The following BBS9 variants were observed in gnomAD, a reference collection of about 807,000 sequenced individuals.
BBS9 encodes Bardet-Biedl syndrome 9, also known as protein PTHB1.
BBS9 carries 89 observed loss-of-function variants against 117.7 expected under a neutral mutation model. The ratio of observed to expected loss-of-function variants is 0.76; its 90% CI spans 0.64 to 0.90. BBS9 has a LOEUF of 0.90. BBS9 is among the 40% of genes least tolerant of loss of function. The pLI is 0.00. For synonymous variants in BBS9, 379 were observed against 370.9 expected (o/e 1.02, Z -0.25); for missense variants, 982 against 1,042.2 (o/e 0.94, Z 0.80).
chr7:33,522,583 T>C (rs1254812103), intron 20 of BBS9, among the ~76,000 whole-genome samples: 1 of 152,212 alleles, frequency 6.6e-6, no homozygotes. Context: ...TGCCCACTTT[T>C]TGATGGGGTT....
At chr7:33,194,347 A>G (rs994881803) in intron 5 of BBS9, among the ~76,000 whole-genome samples, 1 of 152,148 alleles carries the variant, frequency 6.6e-6, no homozygotes, top group African/African-American at 2.4e-5. Context: ...CACAAAATGC[A>G]CCAAGTCCAG....
intron 9 of BBS9, among the ~76,000 whole-genome samples, chr7:33,280,447 C>T (rs1004275010): frequency 6.6e-6 from 1 of 152,122 alleles, no homozygotes; most frequent in Non-Finnish European, 1.5e-5. Context: ...GAATGTTTCC[C>T]CCATATCTTT....
chr7:33,416,287 C>T (rs1348376668), intron 19 of BBS9, among the ~76,000 whole-genome samples: 1 of 151,324 alleles, frequency 6.6e-6, no homozygotes. Context: ...ATGGGTCCTG[C>T]CTTCTTCTGC....
At chr7:33,396,349 C>T (rs534420360) in intron 19 of BBS9, among the ~76,000 whole-genome samples, 7 of 151,384 alleles carry the variant, frequency 4.6e-5, no homozygotes, top group South Asian at 4.2e-4. Flanking sequence ...TTTTCAAAAC[C>T]GGAATGATAT....
At chr7:33,171,305 C>T in intron 4 of BBS9, among the ~76,000 whole-genome samples, 1 of 151,874 alleles carries the variant, frequency 6.6e-6, no homozygotes, top group Non-Finnish European at 1.5e-5. Flanking sequence ...CGCCGCATAT[C>T]TACAACTATC....
intron 1 of BBS9, among the ~76,000 whole-genome samples, chr7:33,140,522 G>A (rs1420229770): frequency 6.6e-6 from 1 of 152,154 alleles, no homozygotes; most frequent in African/African-American, 2.4e-5. Flanking sequence ...GGCATTTCAA[G>A]TGTGAATTTG....
chr7:33,538,794 G>C (rs1301822966), intron 21 of BBS9, among the ~76,000 whole-genome samples: 1 of 150,068 alleles, frequency 6.7e-6, no homozygotes, highest in Non-Finnish European at 1.5e-5. Flanking sequence ...AAGGGAGTGA[G>C]TTCCAAAATG....
At chr7:33,591,542 C>T (rs1184810633) in intron 21 of BBS9, among the ~76,000 whole-genome samples, 3 of 152,004 alleles carry the variant, frequency 2.0e-5, no homozygotes, top group African/African-American at 7.2e-5. Flanking sequence ...GTAAAGTATT[C>T]ACTGGGAGAA....
At chr7:33,570,480 T>C (rs1417888702) in intron 21 of BBS9, among the ~76,000 whole-genome samples, 1 of 152,138 alleles carries the variant, frequency 6.6e-6, no homozygotes, top group East Asian at 1.9e-4. Context: ...TTCCATTTGA[T>C]AAATGAAGAA....
intron 19 of BBS9, among the ~76,000 whole-genome samples, chr7:33,411,362 G>A (rs894225935): frequency 6.6e-6 from 1 of 151,988 alleles, no homozygotes; most frequent in African/African-American, 2.4e-5. Context: ...TCTTGACAAG[G>A]TTTCAACACT....
At chr7:33,577,246 T>C (rs1373770102) in intron 21 of BBS9, among the ~76,000 whole-genome samples, 4 of 152,132 alleles carry the variant, frequency 2.6e-5, no homozygotes, top group Admixed American at 6.5e-5. Context: ...GCAAAGGATA[T>C]GAACAGACAC....
intron 9 of BBS9, among the ~76,000 whole-genome samples, chr7:33,286,384 C>T (rs1300870424): frequency 6.6e-6 from 1 of 152,110 alleles, no homozygotes; most frequent in Non-Finnish European, 1.5e-5. Context: ...AAGGGTTTGC[C>T]TTTCACTAAG....
chr7:33,554,671 C>T (rs1585236193), intron 21 of BBS9, among the ~76,000 whole-genome samples: 4 of 152,078 alleles, frequency 2.6e-5, no homozygotes, highest in African/African-American at 7.2e-5. Context: ...CTAGTTGGCA[C>T]CCAGTTGTAG....
chr7:33,154,329 A>G (rs747437792), intron 3 of BBS9, among the ~76,000 whole-genome samples: 1 of 152,202 alleles, frequency 6.6e-6, no homozygotes, highest in Non-Finnish European at 1.5e-5. Flanking sequence ...ATGATCATAC[A>G]TATAGTAAGG....
intron 18 of BBS9, among the ~76,000 whole-genome samples, chr7:33,384,093 A>C (rs552108923): frequency 1.3e-5 from 2 of 152,290 alleles, no homozygotes; most frequent in East Asian, 3.9e-4. Flanking sequence ...ATTCTCCCAC[A>C]TGGAGACTTA....
chr7:33,520,991 C>G (rs1422796992), intron 20 of BBS9, among the ~76,000 whole-genome samples: 1 of 151,546 alleles, frequency 6.6e-6, no homozygotes, highest in African/African-American at 2.4e-5. Flanking sequence ...ATTTACCAGT[C>G]TTTATTTTTT....
intron 19 of BBS9, among the ~76,000 whole-genome samples, chr7:33,449,447 C>T (rs1471010114): frequency 1.3e-5 from 2 of 152,236 alleles, no homozygotes; most frequent in East Asian, 1.9e-4. Context: ...TAAGTTAACC[C>T]CTAGAGTAAC....
intron 5 of BBS9, among the ~76,000 whole-genome samples, chr7:33,246,878 AT>A (rs1169344786): frequency 1.3e-5 from 2 of 152,194 alleles, no homozygotes; most frequent in East Asian, 3.9e-4. Context: ...CACACTCACA[AT>A]ATTCTTCTTT....
chr7:33,468,009 C>A (rs4720120), intron 19 of BBS9, among the ~76,000 whole-genome samples: 116,504 of 152,120 alleles, frequency 0.77, 45,158 homozygotes, highest in African/African-American at 0.88. Flanking sequence ...ATAATTGATC[C>A]AGCCTGCCAT....
Sources: gnomAD v4.1 joint callset for allele counts (sites outside exome capture counted in the v4.1 genomes callset) on GRCh38, gnomAD v4.1.1 for gene constraint, MANE v1.5 for transcripts, NCBI Gene and HGNC (gene_info 2026-07-23, HGNC 2026-07-21) for gene names.